The following CAMK4 variants were observed in gnomAD, a reference collection of about 807,000 sequenced individuals.
CAMK4 encodes the protein calcium/calmodulin-dependent protein kinase type IV.
A neutral mutation model predicts 44.9 loss-of-function variants in CAMK4; 22 were observed. The ratio of observed to expected loss-of-function variants is 0.49; its 90% CI spans 0.35 to 0.70. CAMK4 has a LOEUF of 0.70. Ranked by LOEUF, CAMK4 falls within the 30% of genes least tolerant of loss-of-function variation. CAMK4 has a pLI of 0.01. For synonymous variants in CAMK4, 218 were observed against 215.4 expected (o/e 1.01, Z -0.11); for missense variants, 498 against 586.8 (o/e 0.85, Z 1.56).
At position 111,486,233 on chromosome 5, in the gene CAMK4, C is replaced by G. The variant is rs1047793027; in HGVS notation, c.*1767C>G. The G allele has an allele frequency of 1.3e-5, 2 of 151,994 alleles. No homozygotes were observed. The highest frequency in any genetic ancestry group is 2.9e-5 in the Non-Finnish European group (2 of 68,002). 9.4% of individuals were successfully genotyped at this position (151,994 alleles called of 1,614,324 possible). A position where few individuals can be genotyped will look rare whatever the true frequency, so the allele number is the denominator to read the frequency against. The stretch of plus-strand genomic sequence containing the variant: ...TTCATAGTTTAAGAATCTGACAGGT[C>G]ACTGATATGGAGCCCCTGAAGAAGC... On this transcript the variant is annotated 3_prime_UTR_variant, in exon 11 of 11. Transcript: ENST00000282356.
chr5:111,322,151 G>A (rs1748690210), intron 1 of CAMK4, among the ~76,000 whole-genome samples: 1 of 152,048 alleles, frequency 6.6e-6, no homozygotes, highest in Non-Finnish European at 1.5e-5. Context: ...GGAAACACAG[G>A]TGAGTACCAT....
chr5:111,384,941 C>A lies in CAMK4; in HGVS notation c.386+7999C>A, dbSNP rs543943099. 5.3e-5 allele frequency among the ~76,000 whole-genome samples: 8 copies of A among 152,236 alleles called. No individual in the cohort carries two copies. The South Asian group carries it at 1.7e-3, about 32-fold the overall frequency. ...CCTCACCTTACCATGCTGGCTTTACCACCCACTTTGTTCTCTTCCCACCAA... is the reference window on the plus strand; with the variant it reads ...CCTCACCTTACCATGCTGGCTTTACAACCCACTTTGTTCTCTTCCCACCAA... On this transcript the variant is annotated intron_variant, in intron 4 of 10. Transcript: ENST00000282356.
intron 7 of CAMK4, among the ~76,000 whole-genome samples, chr5:111,454,549 G>T (rs571990949): frequency 2.7e-5 from 4 of 148,272 alleles, no homozygotes; most frequent in South Asian, 4.3e-4. Context: ...CCAGATAAGT[G>T]AAATCAATGA....
chr5:111,426,616 A>G (rs1365331697), intron 5 of CAMK4, among the ~76,000 whole-genome samples: 2 of 152,328 alleles, frequency 1.3e-5, no homozygotes, highest in African/African-American at 4.8e-5. Context: ...ATTAAAAATC[A>G]GTCCTGAATC....
chr5:111,419,081 T>TACAGTCC (rs1752924167), intron 5 of CAMK4, among the ~76,000 whole-genome samples: 3 of 152,152 alleles, frequency 2.0e-5, no homozygotes, highest in Non-Finnish European at 4.4e-5. Context: ...TGTTCCTATT[T>TACAGTCC]CTCCACATCC....
chr5:111,410,907 G>A (rs1053996166), intron 5 of CAMK4, among the ~76,000 whole-genome samples: 2 of 152,094 alleles, frequency 1.3e-5, no homozygotes, highest in Admixed American at 6.6e-5. Context: ...ACACTTCCTA[G>A]GTGTTGGTAG....
chr5:111,373,988 G>A (rs937250323), intron 2 of CAMK4, among the ~76,000 whole-genome samples: 1 of 152,098 alleles, frequency 6.6e-6, no homozygotes, highest in African/African-American at 2.4e-5. Flanking sequence ...GGAATATCCT[G>A]AACTAAATCG....
chr5:111,413,287 T>G (rs1477514676), intron 5 of CAMK4, among the ~76,000 whole-genome samples: 1 of 152,160 alleles, frequency 6.6e-6, no homozygotes, highest in Non-Finnish European at 1.5e-5. Flanking sequence ...ATTAAAATTA[T>G]TATGGAGCTG....
rs755436769 is a variant in CAMK4, at chr5:111,487,914, A to G, written c.*3448A>G. 6.6e-6 allele frequency: 1 copy of G among 152,210 alleles called. No individual in the cohort carries two copies. The highest frequency in any genetic ancestry group is 1.5e-5 in the Non-Finnish European group (1 of 68,050). 9.4% of individuals were successfully genotyped at this position (152,210 alleles called of 1,614,324 possible). ...AAAAGCTTATTGACCACTCCTGCCC[A>G]TTCATTTACTTCAGAGGAGAAATGA... On this transcript the variant is annotated 3_prime_UTR_variant, in exon 11 of 11. Transcript: ENST00000282356.
intron 1 of CAMK4, among the ~76,000 whole-genome samples, chr5:111,316,771 G>A (rs1049296541): frequency 2.6e-5 from 4 of 152,138 alleles, no homozygotes; most frequent in Non-Finnish European, 5.9e-5. Context: ...CCAGGAGCAA[G>A]CAATCTATAA....
intron 1 of CAMK4, among the ~76,000 whole-genome samples, chr5:111,322,017 G>A (rs1748684117): frequency 1.3e-5 from 2 of 152,088 alleles, no homozygotes; most frequent in South Asian, 4.2e-4. Flanking sequence ...GAGGACTTCT[G>A]CTTGTGAGAA....
intron 1 of CAMK4, among the ~76,000 whole-genome samples, chr5:111,343,115 T>C (rs1326748368): frequency 6.6e-6 from 1 of 151,790 alleles, no homozygotes; most frequent in African/African-American, 2.4e-5. Context: ...AAATACATGT[T>C]AATATTTTTA....
chr5:111,471,964 A>G (rs1049767000), intron 7 of CAMK4, among the ~76,000 whole-genome samples: 2 of 151,868 alleles, frequency 1.3e-5, no homozygotes, highest in Non-Finnish European at 2.9e-5. Context: ...CAGCGGCGCC[A>G]TCTCTGCAAC....
chr5:111,262,064 T>A (rs1750005405), intron 1 of CAMK4, among the ~76,000 whole-genome samples: 1 of 151,974 alleles, frequency 6.6e-6, no homozygotes, highest in South Asian at 2.1e-4. Context: ...CTTACATGGG[T>A]TTCTGAGCCC....
intron 2 of CAMK4, among the ~76,000 whole-genome samples, chr5:111,352,785 G>A (rs1310897104): frequency 1.3e-5 from 2 of 152,034 alleles, no homozygotes; most frequent in Non-Finnish European, 2.9e-5. Context: ...TGGGAATGGT[G>A]CACCATCATC....
intron 1 of CAMK4, among the ~76,000 whole-genome samples, chr5:111,268,427 A>G (rs1388923738): frequency 6.6e-6 from 1 of 152,228 alleles, no homozygotes; most frequent in Non-Finnish European, 1.5e-5. Context: ...TTTCATGGGA[A>G]TAATGGAAAC....
At chr5:111,260,781 C>T (rs1200674502) in intron 1 of CAMK4, among the ~76,000 whole-genome samples, 3 of 152,136 alleles carry the variant, frequency 2.0e-5, no homozygotes, top group Non-Finnish European at 2.9e-5. Context: ...ATCTATACCC[C>T]TACTGCTGCT....
At chr5:111,320,239 C>T (rs1748602884) in intron 1 of CAMK4, among the ~76,000 whole-genome samples, 1 of 152,084 alleles carries the variant, frequency 6.6e-6, no homozygotes, top group Non-Finnish European at 1.5e-5. Context: ...ACATGACATG[C>T]TGAGGAAACT....
chr5:111,256,598 G>T (rs1749756791), intron 1 of CAMK4, among the ~76,000 whole-genome samples: 1 of 152,074 alleles, frequency 6.6e-6, no homozygotes, highest in African/African-American at 2.4e-5. Flanking sequence ...GTTTTAGAGA[G>T]CCCTAATAAA....
Sources: gnomAD v4.1 joint callset for allele counts (sites outside exome capture counted in the v4.1 genomes callset) on GRCh38, gnomAD v4.1.1 for gene constraint, MANE v1.5 for transcripts, NCBI Gene and HGNC (gene_info 2026-07-23, HGNC 2026-07-21) for gene names.